ZFAT: variants seen among roughly 807,000 people sequenced by gnomAD.
The protein encoded by ZFAT is zinc finger and AT-hook domain containing.
Under a neutral mutation model 117.7 loss-of-function variants are expected in ZFAT, and 64 were observed. The observed-to-expected ratio is 0.54, with a 90% CI of 0.44 to 0.67. ZFAT has a LOEUF of 0.67. Among genes scored for constraint, ZFAT ranks in the 30% least tolerant of loss-of-function variants. The pLI is 0.00. For missense variants in ZFAT, 1,433 were observed against 1,584.5 expected (o/e 0.90, Z 1.62); for synonymous variants, 679 against 615.0 (o/e 1.10, Z -1.54).
chr8:134,760,221 T>C, the ZFAT span, among the ~76,000 whole-genome samples: 1 of 145,620 alleles, frequency 6.9e-6, no homozygotes, highest in Non-Finnish European at 1.5e-5. Flanking sequence ...TGAACCGAGA[T>C]CATGCCACTG....
the ZFAT span, among the ~76,000 whole-genome samples, chr8:134,781,334 A>C: frequency 6.6e-6 from 1 of 152,008 alleles, no homozygotes; most frequent in Admixed American, 6.6e-5. Context: ...TATGTCACCC[A>C]AGCTGGTATA....
chr8:134,566,464 A>T (rs1824477885), intron 10 of ZFAT, among the ~76,000 whole-genome samples: 1 of 151,736 alleles, frequency 6.6e-6, no homozygotes, highest in Admixed American at 6.6e-5. Flanking sequence ...GTTAAAACAA[A>T]TTAATAGATA....
chr8:134,815,169 T>G, the ZFAT span, among the ~76,000 whole-genome samples: 2 of 152,188 alleles, frequency 1.3e-5, no homozygotes, highest in Non-Finnish European at 2.9e-5. Context: ...GAAACCAGAG[T>G]TGTACTTTTT....
At chr8:134,484,992 C>T (rs1053526185) in intron 15 of ZFAT, among the ~76,000 whole-genome samples, 2 of 152,092 alleles carry the variant, frequency 1.3e-5, no homozygotes, top group Non-Finnish European at 2.9e-5. Flanking sequence ...ATGGAGACAT[C>T]ATCATCAGGA....
intron 13 of ZFAT, among the ~76,000 whole-genome samples, chr8:134,519,643 A>C (rs552166217): frequency 5.8e-4 from 88 of 152,214 alleles, no homozygotes; most frequent in African/African-American, 2.0e-3. Context: ...GATACTTTTT[A>C]TTTCTTTCCT....
chr8:134,780,138 G>C, the ZFAT span, among the ~76,000 whole-genome samples: 1 of 152,132 alleles, frequency 6.6e-6, no homozygotes, highest in African/African-American at 2.4e-5. Context: ...CAGACCTTGG[G>C]ACTGTTCTTG....
chr8:134,688,093 G>A (rs575151804), intron 1 of ZFAT, among the ~76,000 whole-genome samples: 31 of 152,264 alleles, frequency 2.0e-4, no homozygotes, highest in African/African-American at 6.3e-4. Context: ...ATTGATGGGC[G>A]GTGGGGGGGA....
At chr8:134,635,648 G>GGAGA (rs111233731) in intron 3 of ZFAT, among the ~76,000 whole-genome samples, 44,771 of 149,536 alleles carry the variant, frequency 0.3, 6,841 homozygotes, top group Non-Finnish European at 0.34. Flanking sequence ...AGGGAGAGAG[G>GGAGA]GAGAGAGAGA....
chr8:134,710,209 G>A (rs930866028), intron 1 of ZFAT, among the ~76,000 whole-genome samples: 11 of 152,162 alleles, frequency 7.2e-5, no homozygotes, highest in South Asian at 2.1e-4. Flanking sequence ...GATATTTCAC[G>A]TTTATCAAAA....
chr8:134,533,609 T>G (rs756305142), intron 11 of ZFAT, among the ~76,000 whole-genome samples: 24 of 152,230 alleles, frequency 1.6e-4, no homozygotes, highest in Non-Finnish European at 3.5e-4. Flanking sequence ...TCCGCAGTAT[T>G]TGCCTGCAAG....
chr8:134,753,912 C>T, the ZFAT span, among the ~76,000 whole-genome samples: 2 of 152,150 alleles, frequency 1.3e-5, no homozygotes, highest in African/African-American at 2.4e-5. Flanking sequence ...AATGAAAAAA[C>T]AACCAGTCCC....
chr8:134,567,451 CCAT>C (rs2130781983), intron 10 of ZFAT, among the ~76,000 whole-genome samples: 1 of 37,114 alleles, frequency 2.7e-5, no homozygotes, highest in South Asian at 9.1e-4. Context: ...ACCCTACCAA[CCAT>C]CCATCCATCC....
chr8:134,665,848 C>T (rs1338320152), intron 1 of ZFAT, among the ~76,000 whole-genome samples: 2 of 152,198 alleles, frequency 1.3e-5, no homozygotes, highest in Non-Finnish European at 2.9e-5. Flanking sequence ...CCCCTCCATA[C>T]CCCTCTGCCT....
At chr8:134,733,944 G>C in the ZFAT span, among the ~76,000 whole-genome samples, 1 of 152,244 alleles carries the variant, frequency 6.6e-6, no homozygotes, top group Admixed American at 6.5e-5. Context: ...GAAAATAAAA[G>C]CACAGAGGCC....
intron 2 of ZFAT, among the ~76,000 whole-genome samples, chr8:134,648,753 T>C (rs951741427): frequency 3.9e-5 from 6 of 152,008 alleles, no homozygotes; most frequent in Admixed American, 1.3e-4. Flanking sequence ...TTCCAAAAAA[T>C]AGAAGAGGAG....
At chr8:134,616,444 C>T (rs893720421) in intron 3 of ZFAT, among the ~76,000 whole-genome samples, 14 of 152,174 alleles carry the variant, frequency 9.2e-5, no homozygotes, top group African/African-American at 3.4e-4. Context: ...CGTTTTGTCC[C>T]CTGAAATGCC....
chr8:134,509,638 G>A lies in ZFAT; in HGVS notation c.3473C>T (p.Thr1158Met), dbSNP rs201492824. ...LASVVAMAPG[T>M]VTVVKQVTEE... The stretch of plus-strand genomic sequence containing the variant: ...CCCTACCTGCTTAACCACAGTCACC[G>A]TCCCTGGTGCCATGGCAACCACCGA... The change falls in exon 15 of 16, where the codon ACG becomes ATG. Residue 1158 changes from threonine to methionine, a missense_variant. This residue lies in a region of ZFAT where 503 missense variants were observed against 543.4 expected (regional missense o/e 0.93). Transcript: ENST00000377838. 1.0e-4 allele frequency: 165 copies of A among 1,613,176 alleles called. No homozygotes were observed. Among genetic ancestry groups the A allele is most frequent in the Admixed American group, 3.3e-5 (2 of 59,972 alleles).
chr8:134,621,349 A>G (rs1369268250), intron 3 of ZFAT, among the ~76,000 whole-genome samples: 1 of 152,062 alleles, frequency 6.6e-6, no homozygotes, highest in East Asian at 1.9e-4. Flanking sequence ...TACTATTAAT[A>G]CTATTATAAT....
chr8:134,723,937 G>A, the ZFAT span: 1 of 152,224 alleles, frequency 6.6e-6, no homozygotes, highest in Non-Finnish European at 1.5e-5. Context: ...TAAAAACAAT[G>A]TCTCACATAA....
Sources: gnomAD v4.1 joint callset for allele counts (sites outside exome capture counted in the v4.1 genomes callset) on GRCh38, gnomAD v4.1.1 for gene constraint, gnomAD v4.1.1 regional missense constraint, MANE v1.5 for transcripts, NCBI Gene and HGNC (gene_info 2026-07-23, HGNC 2026-07-21) for gene names.